The following RELN variants were observed in gnomAD, a reference collection of about 807,000 sequenced individuals.
RELN encodes the protein reelin.
In RELN, 108 loss-of-function variants were observed where a neutral mutation model predicts 427.6. That is an observed-to-expected ratio of 0.25 (90% CI 0.22 to 0.30). The LOEUF (loss-of-function observed/expected upper bound fraction) is 0.30, where lower values mean the gene tolerates loss of function less well. Ranked by LOEUF, RELN falls within the 10% of genes least tolerant of loss-of-function variation. RELN has a pLI of 1.00. For missense variants in RELN, 3,715 were observed against 4,302.8 expected, an observed-to-expected ratio of 0.86 and a Z score of 3.82; for synonymous variants, 1,524 against 1,513.4, an observed-to-expected ratio of 1.01 and a Z score of -0.16.
intron 19 of RELN, among the ~76,000 whole-genome samples, chr7:103,631,191 A>C (rs528289490): frequency 6.6e-6 from 1 of 152,170 alleles, no homozygotes; most frequent in South Asian, 2.1e-4. Context: ...ACTTGTTGCA[A>C]TAGAAGAAAA....
Position 103,989,003 on chromosome 7 carries a change from C to G in RELN, c.226+128G>C, listed in dbSNP as rs911938625. 1.5e-5 allele frequency: 12 copies of G among 804,886 alleles called. No individual in the cohort carries two copies. The South Asian group carries it at 1.7e-4, about 11-fold the overall frequency. The allele number at this position is 804,886 out of a possible 1,614,324, so 49.9% of individuals were successfully genotyped here. A position where few individuals can be genotyped will look rare whatever the true frequency, so the allele number is the denominator to read the frequency against. ...CTTTATTCTCGCTCCCTGGACCAAGCGCATCGCTGGGGCCAGGGTTGTCAT... is the reference window on the plus strand; with the variant it reads ...CTTTATTCTCGCTCCCTGGACCAAGGGCATCGCTGGGGCCAGGGTTGTCAT... On this transcript the variant is annotated intron_variant, in intron 1 of 64. Transcript: ENST00000428762. This position sits in a 1 kb window ranked among gnomAD's most constrained non-coding sequence, Gnocchi z 4.9.
Position 103,985,593 on chromosome 7 carries a change from C to T in RELN, c.226+3538G>A, listed in dbSNP as rs114657352. Among the ~76,000 whole-genome samples, 1,441 of 152,282 alleles carry T rather than the reference C, an allele frequency of 9.5e-3. 21 individuals carry two copies. The highest frequency in any genetic ancestry group is 0.033 in the African/African-American group (1,363 of 41,562). On this transcript the variant is annotated intron_variant, in intron 1 of 64. Transcript: ENST00000428762. The stretch of plus-strand genomic sequence containing the variant: ...GTCTTTCTATCCCCATATCTATTAT[C>T]TGGCTGTTCAGTGATGCTAAACTTA...
intron 2 of RELN, among the ~76,000 whole-genome samples, chr7:103,890,979 G>A (rs180728063): frequency 6.6e-6 from 1 of 152,302 alleles, no homozygotes; most frequent in Non-Finnish European, 1.5e-5. Flanking sequence ...TCCCTCAGGA[G>A]GTTGAGGGAG....
At chr7:103,905,241 G>C (rs757650920) in intron 2 of RELN, among the ~76,000 whole-genome samples, 9 of 151,920 alleles carry the variant, frequency 5.9e-5, no homozygotes, top group Non-Finnish European at 1.3e-4. Flanking sequence ...CCCTCCCAAA[G>C]TGCTGGGATT....
chr7:103,640,756 G>A lies in RELN; in HGVS notation c.2003-147C>T, dbSNP rs1213685670. The A allele has an allele frequency of 3.9e-6, 3 of 768,216 alleles. No homozygotes were observed. The allele number at this position is 768,216 out of a possible 1,614,324, so 47.6% of individuals were successfully genotyped here. ...GACATATGGAATGCTGTGTAATAAGGTAAGTGCTTAGTTACAAAGCTGCTG... is the reference window on the plus strand; with the variant it reads ...GACATATGGAATGCTGTGTAATAAGATAAGTGCTTAGTTACAAAGCTGCTG... On this transcript the variant is annotated intron_variant, in intron 16 of 64. Transcript: ENST00000428762. This position sits in a 1 kb window ranked among gnomAD's most constrained non-coding sequence, Gnocchi z 4.1.
At chr7:103,899,030 T>C (rs748944780) in intron 2 of RELN, among the ~76,000 whole-genome samples, 2 of 151,758 alleles carry the variant, frequency 1.3e-5, no homozygotes, top group East Asian at 1.9e-4. Flanking sequence ...AGTTCTAAGA[T>C]AGATAGACCA....
rs1391842678 is a variant in RELN, at chr7:103,500,884, A to G, written c.8528T>C (p.Met2843Thr). The G allele has an allele frequency of 1.2e-6, 2 of 1,614,010 alleles. No homozygotes were observed. Among genetic ancestry groups the G allele is most frequent in the Non-Finnish European group, 1.7e-6 (2 of 1,179,982 alleles). The change falls in exon 53 of 65, where the codon ATG becomes ACG. Residue 2843 changes from methionine (M) to threonine (T), a missense_variant. By Grantham distance (81) the Met-to-Thr change is moderately conservative. Coordinates refer to ENST00000428762, the MANE Select transcript of RELN (RefSeq NM_005045.4). ...RFRFYQKYSDMQWAIDNFYLG... is the reference protein window; with the variant it reads ...RFRFYQKYSDTQWAIDNFYLG... ...GTAGAAATTATCGATTGCCCACTGC[A>G]TGTCTGAGTACTTCTGATAGAACCT...
intron 11 of RELN, among the ~76,000 whole-genome samples, chr7:103,680,418 G>A (rs1416437582): frequency 6.6e-6 from 1 of 152,090 alleles, no homozygotes. Flanking sequence ...AGAGATGAAA[G>A]CGTGGGAGTA....
chr7:103,925,300 A>G (rs1795708327), intron 1 of RELN, among the ~76,000 whole-genome samples: 1 of 152,182 alleles, frequency 6.6e-6, no homozygotes, highest in Non-Finnish European at 1.5e-5. Flanking sequence ...TTAAAGCAGG[A>G]ATAATTTCAT....
rs1404231633 is a variant in RELN, at chr7:103,472,568, T to C, written c.*244A>G. 1.8e-5 allele frequency: 9 copies of C among 497,462 alleles called. No individual in the cohort carries two copies. Among genetic ancestry groups the C allele is most frequent in the Non-Finnish European group, 3.3e-5 (9 of 272,674 alleles). The allele number at this position is 497,462 out of a possible 1,614,324, so 30.8% of individuals were successfully genotyped here. ...TTGTCAATACTGCCACTGTAACTGA[T>C]ATTACAACAGATCACAACTTTCACG... is the stretch of plus-strand genomic sequence containing the variant. On this transcript the variant is annotated 3_prime_UTR_variant, in exon 65 of 65. Transcript: ENST00000428762.
In RELN at chr7:103,653,684, A is replaced by T. The variant is rs764828980; in HGVS notation, c.1554+409T>A. Among the ~76,000 whole-genome samples, 8 of 152,192 alleles carry T rather than the reference A, an allele frequency of 5.3e-5. No homozygotes were observed. The South Asian group carries it at 1.2e-3, about 24-fold the overall frequency. On this transcript the variant is annotated intron_variant, in intron 13 of 64. Transcript: ENST00000428762. ...CCTCAATCGGTAGCTCTAGTTAGCA[A>T]AGAAAAAAGCAAAGATAACCTGTGC...
In RELN at chr7:103,482,946, G is replaced by C. The variant is rs2116975944; in HGVS notation, c.10207C>G (p.Leu3403Val). The change falls in exon 63 of 65, where the codon CTG (leucine) becomes GTG (valine). Residue 3403 changes from leucine to valine, a missense_variant. This residue lies in a region of RELN where 195 missense variants were observed against 281.3 expected (regional missense o/e 0.69). Transcript: ENST00000428762. ...PLEARMKGVL[L>V]RWWQPRHNGT... is the part of the protein sequence containing the mutation. ...TTGTGGCGTGGTTGCCACCAGCGCA[G>C]TAAGACTCCTTTCATCCGTGCCTCC... The C allele has an allele frequency of 6.2e-7, 1 of 1,614,156 alleles. No homozygotes were observed. Among genetic ancestry groups the C allele is most frequent in the Admixed American group, 1.7e-5 (1 of 60,026 alleles).
At chr7:103,727,654 T>C (rs1006238443) in intron 7 of RELN, among the ~76,000 whole-genome samples, 8 of 152,178 alleles carry the variant, frequency 5.3e-5, no homozygotes, top group African/African-American at 1.9e-4. Flanking sequence ...CAGCGTGCTC[T>C]TTCATGTAAA....
In RELN at chr7:103,573,900, G is replaced by A. The variant is rs1174651430; in HGVS notation, c.4511+192C>T. 6.6e-6 allele frequency among the ~76,000 whole-genome samples: 1 copy of A among 152,166 alleles called. No homozygotes were observed. The highest frequency in any genetic ancestry group is 1.5e-5 in the Non-Finnish European group (1 of 68,034). On this transcript the variant is annotated intron_variant, in intron 30 of 64. Transcript: ENST00000428762. The surrounding 1 kb of genome is among the most constrained non-coding windows in gnomAD (Gnocchi z 4.4). The stretch of plus-strand genomic sequence containing the variant: ...ATGACCACACATGGATTTATGAATT[G>A]CAGCATGGTCTTTGTAGAAACCACC...
rs576057818 is a variant in RELN at position 103,882,660 on chromosome 7, C to T, written c.337+34415G>A. ...AACTACCATCAGAGAATACTATAAA[C>T]ACATCTACACAAATAAACTAGAAAA... On this transcript the variant is annotated intron_variant, in intron 2 of 64. Coordinates refer to ENST00000428762, the MANE Select transcript of RELN (RefSeq NM_005045.4). Among the ~76,000 whole-genome samples the T allele has an allele frequency of 3.3e-5, 5 of 152,102 alleles. No individual in the cohort carries two copies. The East Asian group carries it at 9.7e-4, about 29-fold the overall frequency.
intron 8 of RELN, among the ~76,000 whole-genome samples, chr7:103,706,722 AG>A (rs1037403754): frequency 6.6e-6 from 1 of 151,922 alleles, no homozygotes; most frequent in Non-Finnish European, 1.5e-5. Context: ...GCTTCTACTC[AG>A]GCTCATGACT....
At chr7:103,505,457 G>A (rs1047997824) in intron 51 of RELN, among the ~76,000 whole-genome samples, 7 of 152,146 alleles carry the variant, frequency 4.6e-5, no homozygotes, top group Admixed American at 2.6e-4. Context: ...GCAAACTGCA[G>A]GAGACCTGCA....
chr7:103,537,359 C>T (rs1169139001), intron 45 of RELN, among the ~76,000 whole-genome samples: 2 of 152,158 alleles, frequency 1.3e-5, no homozygotes, highest in African/African-American at 4.8e-5. Context: ...TTCATTGGCT[C>T]TGGAGCTAAT....
chr7:103,936,224 C>A (rs1444832273), intron 1 of RELN, among the ~76,000 whole-genome samples: 9 of 151,940 alleles, frequency 5.9e-5, no homozygotes, highest in Non-Finnish European at 1.2e-4. Context: ...ACCCAAGTAG[C>A]TGGGATAATA....
Sources: allele counts gnomAD v4.1 joint callset (sites outside exome capture counted in the v4.1 genomes callset), GRCh38; gene constraint gnomAD v4.1.1; regional missense constraint gnomAD v4.1.1; non-coding constraint Gnocchi (gnomAD v3.1); transcripts MANE v1.5; gene names NCBI Gene and HGNC (gene_info 2026-07-23, HGNC 2026-07-21).